KCNN2: variants seen among roughly 807,000 people sequenced by gnomAD.
KCNN2 encodes potassium calcium-activated channel subfamily N member 2.
In KCNN2, 24 loss-of-function variants were observed where a neutral mutation model predicts 55.5. The ratio of observed to expected loss-of-function variants is 0.43; its 90% CI spans 0.31 to 0.61. The LOEUF (loss-of-function observed/expected upper bound fraction) is 0.61. Among genes scored for constraint, KCNN2 ranks in the 20% least tolerant of loss-of-function variants. The pLI is 0.08. For synonymous variants in KCNN2, 431 were observed against 336.1 expected (o/e 1.28, Z -3.09); for missense variants, 754 against 853.6 (o/e 0.88, Z 1.45).
At position 114,254,701 on chromosome 5, in the gene KCNN2, A is replaced by G. The variant is rs536655550; in HGVS notation, c.-185+33136A>G. On this transcript the variant is annotated intron_variant, in intron 2 of 10. Transcript: ENST00000512097. Reference sequence around the variant, plus strand: ...TTTTGGATTAAGCCTTTTCTTTATCATATCTGTTCCTTAGAACAGTTTTTC... The same window carrying G: ...TTTTGGATTAAGCCTTTTCTTTATCGTATCTGTTCCTTAGAACAGTTTTTC... 9.8e-5 allele frequency among the ~76,000 whole-genome samples: 15 copies of G among 152,286 alleles called. No individual in the cohort carries two copies. In the South Asian group the frequency reaches 1.9e-3, roughly 19 times the overall value.
intron 1 of KCNN2, among the ~76,000 whole-genome samples, chr5:114,184,714 C>T (rs1753298011): frequency 6.6e-6 from 1 of 152,054 alleles, no homozygotes; most frequent in African/African-American, 2.4e-5. Flanking sequence ...ATAAACGATG[C>T]AAAATGCTTA....
chr5:114,443,288 CA>C (rs895143002), intron 3 of KCNN2, among the ~76,000 whole-genome samples: 3 of 117,034 alleles, frequency 2.6e-5, no homozygotes, highest in African/African-American at 6.5e-5. Flanking sequence ...GACTCCGTCT[CA>C]AAAAAAAAGA....
intron 1 of KCNN2, among the ~76,000 whole-genome samples, chr5:114,064,220 C>G (rs2112514804): frequency 6.6e-6 from 1 of 152,348 alleles, no homozygotes; most frequent in Middle Eastern, 3.4e-3. Context: ...ACTAGTGCCT[C>G]TCACTTTGTG....
intron 2 of KCNN2, among the ~76,000 whole-genome samples, chr5:114,281,221 T>A (rs1167684784): frequency 6.6e-6 from 1 of 152,212 alleles, no homozygotes; most frequent in Non-Finnish European, 1.5e-5. Flanking sequence ...CATTAAAATG[T>A]GAGCTCTTTG....
chr5:114,077,275 G>A (rs1750702641), intron 1 of KCNN2, among the ~76,000 whole-genome samples: 2 of 152,220 alleles, frequency 1.3e-5, no homozygotes, highest in South Asian at 4.1e-4. Flanking sequence ...ATCAGTGGGG[G>A]TCTGCATTAG....
At chr5:114,437,245 C>T (rs1760040619) in intron 3 of KCNN2, among the ~76,000 whole-genome samples, 1 of 152,080 alleles carries the variant, frequency 6.6e-6, no homozygotes, top group Non-Finnish European at 1.5e-5. Context: ...ATTAAATGGA[C>T]TTCTTCCCAG....
At chr5:114,201,942 C>T (rs1345034600) in intron 1 of KCNN2, among the ~76,000 whole-genome samples, 1 of 151,858 alleles carries the variant, frequency 6.6e-6, no homozygotes, top group African/African-American at 2.4e-5. Context: ...GGGTATGTTA[C>T]CAGAAAGGGC....
intron 2 of KCNN2, among the ~76,000 whole-genome samples, chr5:114,317,308 A>G (rs958580592): frequency 1.3e-5 from 2 of 151,972 alleles, no homozygotes; most frequent in Non-Finnish European, 2.9e-5. Context: ...TACAAAGCTT[A>G]TATCGTCGGA....
At chr5:114,172,607 A>T (rs760376622) in intron 1 of KCNN2, among the ~76,000 whole-genome samples, 2 of 144,616 alleles carry the variant, frequency 1.4e-5, no homozygotes, top group Non-Finnish European at 3.1e-5. Context: ...TATATATATT[A>T]TAGTTTATAT....
intron 2 of KCNN2, among the ~76,000 whole-genome samples, chr5:114,312,381 GGAGA>G (rs1483627330): frequency 1.5e-5 from 1 of 67,152 alleles, no homozygotes; most frequent in Non-Finnish European, 2.9e-5. Context: ...AAATAAAAAA[GGAGA>G]TACACACACA....
chr5:114,275,086 G>T (rs1385095840), intron 2 of KCNN2, among the ~76,000 whole-genome samples: 1 of 152,174 alleles, frequency 6.6e-6, no homozygotes, highest in Non-Finnish European at 1.5e-5. Flanking sequence ...CATCTATTGA[G>T]ATAATTATGT....
chr5:114,238,723 A>G (rs1754560020), intron 2 of KCNN2, among the ~76,000 whole-genome samples: 1 of 152,172 alleles, frequency 6.6e-6, no homozygotes, highest in South Asian at 2.1e-4. Context: ...TGGCATGGCA[A>G]TTTATGTTAA....
intron 2 of KCNN2, among the ~76,000 whole-genome samples, chr5:114,292,941 T>C (rs1026931123): frequency 2.6e-5 from 4 of 152,130 alleles, no homozygotes; most frequent in Admixed American, 6.6e-5. Flanking sequence ...GTATTTTATT[T>C]TCTTTGAAGC....
At chr5:114,494,412 C>T (rs576343632) in intron 7 of KCNN2, among the ~76,000 whole-genome samples, 23 of 149,850 alleles carry the variant, frequency 1.5e-4, no homozygotes, top group African/African-American at 5.7e-4. Flanking sequence ...ATGTTGAAGA[C>T]AGTAAGTATT....
chr5:114,470,290 C>G (rs1441320281), intron 4 of KCNN2, among the ~76,000 whole-genome samples: 1 of 152,150 alleles, frequency 6.6e-6, no homozygotes. Flanking sequence ...CAACTACCCT[C>G]TCATAGCTGT....
intron 2 of KCNN2, among the ~76,000 whole-genome samples, chr5:114,403,024 A>T (rs554807687): frequency 6.6e-6 from 1 of 152,342 alleles, no homozygotes; most frequent in South Asian, 2.1e-4. Flanking sequence ...AAGGAGGGCC[A>T]GTCCTAGAAG....
intron 2 of KCNN2, among the ~76,000 whole-genome samples, chr5:114,336,404 C>A (rs1028949115): frequency 2.6e-5 from 4 of 152,106 alleles, no homozygotes; most frequent in African/African-American, 9.7e-5. Context: ...ATTTGAAATG[C>A]CTACTAGAAT....
chr5:114,202,480 A>G (rs962493991), intron 1 of KCNN2, among the ~76,000 whole-genome samples: 20 of 123,506 alleles, frequency 1.6e-4, no homozygotes, highest in Non-Finnish European at 2.0e-4. Flanking sequence ...GTTAAATACC[A>G]TAGCACTTCA....
intron 1 of KCNN2, among the ~76,000 whole-genome samples, chr5:114,151,570 T>G (rs1469155769): frequency 6.6e-6 from 1 of 152,134 alleles, no homozygotes; most frequent in Non-Finnish European, 1.5e-5. Flanking sequence ...ATTGGTCAAT[T>G]CAATGACCTG....
Sources: allele counts gnomAD v4.1 joint callset (sites outside exome capture counted in the v4.1 genomes callset), GRCh38; gene constraint gnomAD v4.1.1; transcripts MANE v1.5; gene names NCBI Gene and HGNC (gene_info 2026-07-23, HGNC 2026-07-21).